Variants in PRKN observed in about 807,000 individuals in gnomAD.
The protein encoded by PRKN is E3 ubiquitin-protein ligase parkin.
Under a neutral mutation model 59.5 loss-of-function variants are expected in PRKN, and 56 were observed. The ratio of observed to expected loss-of-function variants is 0.94; its 90% CI spans 0.76 to 1.18. The LOEUF is 1.18. Ranked by LOEUF, PRKN falls within the 50% of genes most tolerant of loss-of-function variation. PRKN has a pLI of 0.00. For synonymous variants in PRKN, 250 were observed against 222.1 expected, an observed-to-expected ratio of 1.13 and a Z score of -1.12; for missense variants, 657 against 596.4, an observed-to-expected ratio of 1.10 and a Z score of -1.06.
At chr6:162,113,495 T>C (rs902276804) in intron 4 of PRKN, among the ~76,000 whole-genome samples, 3 of 152,150 alleles carry the variant, frequency 2.0e-5, no homozygotes. Context: ...CTGTTGGAAA[T>C]AAGCACTGTG....
At chr6:162,712,436 A>G (rs907098776) in intron 1 of PRKN, among the ~76,000 whole-genome samples, 7 of 152,224 alleles carry the variant, frequency 4.6e-5, no homozygotes, top group African/African-American at 1.7e-4. Context: ...ATCATCTGCA[A>G]TGCAAACCTA....
Position 161,680,756 on chromosome 6 carries a change from TATATATATATA to T in PRKN, c.871+105005_871+105015del, listed in dbSNP as rs1315248859. ...ATATATATATATATATATATATATA[TATATATATATA>T]TATATATATTTTTTTTTTTTTTTCT... On this transcript the variant is annotated intron_variant, in intron 7 of 11. Transcript: ENST00000366898. Among the ~76,000 whole-genome samples the T allele has an allele frequency of 4.3e-3, 85 of 20,000 alleles. 7 individuals are homozygous for T. The highest frequency in any genetic ancestry group is 0.011 in the African/African-American group (80 of 7,164). The allele number at this position is 20,000 out of a possible 152,430, so 13.1% of individuals were successfully genotyped here.
chr6:161,595,962 T>C (rs1781897739), intron 7 of PRKN, among the ~76,000 whole-genome samples: 1 of 152,092 alleles, frequency 6.6e-6, no homozygotes, highest in African/African-American at 2.4e-5. Flanking sequence ...AGACAAGAAA[T>C]ACCTGCAACT....
At chr6:161,937,334 C>T (rs967165972) in intron 6 of PRKN, among the ~76,000 whole-genome samples, 2 of 152,178 alleles carry the variant, frequency 1.3e-5, no homozygotes, top group African/African-American at 2.4e-5. Flanking sequence ...CATGTTCTTA[C>T]TATCAGGAGA....
chr6:162,633,842 C>T (rs146970840), intron 1 of PRKN, among the ~76,000 whole-genome samples: 24 of 152,140 alleles, frequency 1.6e-4, no homozygotes, highest in East Asian at 5.8e-4. Context: ...AAGAGACTAA[C>T]GACTGGAAAA....
intron 6 of PRKN, among the ~76,000 whole-genome samples, chr6:161,966,444 A>G (rs928763842): frequency 1.3e-5 from 2 of 152,206 alleles, no homozygotes; most frequent in Non-Finnish European, 2.9e-5. Context: ...CAAGACACAC[A>G]TGCTGGCTAG....
At chr6:162,703,553 T>A (rs1427295998) in intron 1 of PRKN, among the ~76,000 whole-genome samples, 3 of 152,206 alleles carry the variant, frequency 2.0e-5, no homozygotes, top group Non-Finnish European at 4.4e-5. Flanking sequence ...TTTTTCCATG[T>A]CTTTCACGTA....
intron 2 of PRKN, among the ~76,000 whole-genome samples, chr6:162,383,759 T>C (rs1583474963): frequency 6.6e-6 from 1 of 152,136 alleles, no homozygotes; most frequent in East Asian, 1.9e-4. Flanking sequence ...AATAGAAGGC[T>C]GTTTCATCTA....
chr6:161,967,753 T>C (rs1780636340), intron 6 of PRKN, among the ~76,000 whole-genome samples: 1 of 152,188 alleles, frequency 6.6e-6, no homozygotes, highest in Non-Finnish European at 1.5e-5. Flanking sequence ...TGGCTGCTTT[T>C]TCCCTAAGAG....
chr6:161,680,726 CATATATAT>C (rs56954052), intron 7 of PRKN, among the ~76,000 whole-genome samples: 101 of 50,924 alleles, frequency 2.0e-3, no homozygotes, highest in African/African-American at 4.4e-3. Flanking sequence ...TCCTGAAATA[CATATATAT>C]ATATATATAT....
intron 4 of PRKN, among the ~76,000 whole-genome samples, chr6:162,151,022 G>T (rs1205360515): frequency 6.6e-6 from 1 of 152,136 alleles, no homozygotes; most frequent in Non-Finnish European, 1.5e-5. Context: ...AAAGCCACTA[G>T]TGAAGATCTA....
intron 4 of PRKN, among the ~76,000 whole-genome samples, chr6:162,079,815 TC>T (rs1199978610): frequency 6.6e-6 from 1 of 152,136 alleles, no homozygotes; most frequent in African/African-American, 2.4e-5. Flanking sequence ...CTTTCTAGGG[TC>T]TTTCAATCAG....
At chr6:161,654,765 G>A (rs1784276928) in intron 7 of PRKN, among the ~76,000 whole-genome samples, 1 of 152,144 alleles carries the variant, frequency 6.6e-6, no homozygotes, top group Non-Finnish European at 1.5e-5. Flanking sequence ...GTCTCCCACG[G>A]AGGCATGGCT....
chr6:161,710,462 T>TTTC (rs368585710), intron 7 of PRKN, among the ~76,000 whole-genome samples: 148 of 152,208 alleles, frequency 9.7e-4, no homozygotes, highest in African/African-American at 3.2e-3. Context: ...TTGTATGTTT[T>TTTC]TTCTTCTTCT....
chr6:162,364,947 G>T (rs1484834981), intron 2 of PRKN, among the ~76,000 whole-genome samples: 1 of 148,762 alleles, frequency 6.7e-6, no homozygotes, highest in East Asian at 2.0e-4. Context: ...TTTTAGAATA[G>T]AAATCTCTCT....
intron 8 of PRKN, among the ~76,000 whole-genome samples, chr6:161,563,176 C>T (rs1364016413): frequency 6.6e-6 from 1 of 152,114 alleles, no homozygotes; most frequent in African/African-American, 2.4e-5. Context: ...TCAACTACCC[C>T]TCATCTAAAG....
At chr6:161,937,130 G>A (rs1779388110) in intron 6 of PRKN, among the ~76,000 whole-genome samples, 1 of 152,156 alleles carries the variant, frequency 6.6e-6, no homozygotes, top group South Asian at 2.1e-4. Context: ...TTTATCTTCA[G>A]TCAATACTGT....
intron 2 of PRKN, among the ~76,000 whole-genome samples, chr6:162,287,451 C>A (rs1194421857): frequency 3.6e-4 from 54 of 151,988 alleles, no homozygotes; most frequent in Admixed American, 3.5e-3. Flanking sequence ...GCCTGTGGCC[C>A]CAGATACTCA....
At chr6:161,656,363 T>C (rs1395689069) in intron 7 of PRKN, among the ~76,000 whole-genome samples, 2 of 152,190 alleles carry the variant, frequency 1.3e-5, no homozygotes, top group Non-Finnish European at 2.9e-5. Flanking sequence ...CTTGGACTGA[T>C]GTCCTGATAG....
Sources: allele counts gnomAD v4.1 joint callset (sites outside exome capture counted in the v4.1 genomes callset), GRCh38; gene constraint gnomAD v4.1.1; transcripts MANE v1.5; gene names NCBI Gene and HGNC (gene_info 2026-07-23, HGNC 2026-07-21).